The following IMMP2L variants were observed in gnomAD, a reference collection of about 807,000 sequenced individuals.
IMMP2L encodes mitochondrial inner membrane protease subunit 2.
Under a neutral mutation model 19.3 loss-of-function variants are expected in IMMP2L, and 18 were observed. The observed-to-expected ratio is 0.93, with a 90% CI of 0.64 to 1.38. The LOEUF is 1.38. IMMP2L is among the 40% of genes most tolerant of loss of function. The pLI, the probability that IMMP2L is intolerant of heterozygous loss-of-function variation, is 0.00. For missense variants in IMMP2L, 233 were observed against 218.2 expected (o/e 1.07, Z -0.43); for synonymous variants, 76 against 73.0 (o/e 1.04, Z -0.21).
chr7:111,001,949 A>C (rs550787787), intron 3 of IMMP2L, among the ~76,000 whole-genome samples: 156 of 152,292 alleles, frequency 1.0e-3, no homozygotes, highest in Non-Finnish European at 1.5e-3. Flanking sequence ...AAATTCCTCC[A>C]ACATGCAAAT....
chr7:111,061,343 G>A (rs1489711465), intron 3 of IMMP2L, among the ~76,000 whole-genome samples: 1 of 152,178 alleles, frequency 6.6e-6, no homozygotes, highest in Non-Finnish European at 1.5e-5. Flanking sequence ...ACCACAGAGG[G>A]CCTTGACTGA....
intron 3 of IMMP2L, among the ~76,000 whole-genome samples, chr7:111,137,196 A>G (rs1802431608): frequency 6.6e-6 from 1 of 152,168 alleles, no homozygotes. Context: ...CCTCCACCTC[A>G]GCTATTTGAT....
chr7:111,062,981 C>G (rs1794159333), intron 3 of IMMP2L, among the ~76,000 whole-genome samples: 2 of 152,202 alleles, frequency 1.3e-5, no homozygotes, highest in South Asian at 4.1e-4. Flanking sequence ...TTCTGGAGGT[C>G]TGGGGGACAG....
At chr7:111,530,410 T>C (rs924172795) in intron 1 of IMMP2L, among the ~76,000 whole-genome samples, 3 of 152,200 alleles carry the variant, frequency 2.0e-5, no homozygotes, top group African/African-American at 7.2e-5. Context: ...TTCTAGGTGA[T>C]AAGACACCTA....
At chr7:110,717,463 T>TCAAAA (rs562273148) in intron 5 of IMMP2L, among the ~76,000 whole-genome samples, 3,067 of 152,206 alleles carry the variant, frequency 0.02, 42 homozygotes, top group African/African-American at 0.023. Context: ...AGACTACGTC[T>TCAAAA]CAAAACAAAA....
At chr7:111,302,645 C>CCT (rs1822395101) in intron 3 of IMMP2L, among the ~76,000 whole-genome samples, 3 of 151,986 alleles carry the variant, frequency 2.0e-5, no homozygotes, top group Admixed American at 2.0e-4. Context: ...TACACATCTA[C>CCT]TAAAAGAGCA....
At chr7:111,093,556 C>A (rs921442020) in intron 3 of IMMP2L, among the ~76,000 whole-genome samples, 8 of 152,086 alleles carry the variant, frequency 5.3e-5, no homozygotes, top group African/African-American at 1.9e-4. Context: ...AAATCTAACC[C>A]GCCTTATTTT....
Position 110,728,640 on chromosome 7 carries a change from A to T in IMMP2L, c.409-64919T>A, listed in dbSNP as rs957709564. On this transcript the variant is annotated intron_variant, in intron 5 of 5. Coordinates refer to ENST00000405709, the MANE Select transcript of IMMP2L (RefSeq NM_032549.4). The surrounding 1 kb of genome is among the most constrained non-coding windows in gnomAD (Gnocchi z 4.6). ...CTCCTAACTACTTTCAAACCAACAA[A>T]CCCAAATATTGCCACTGATCCCCCT... Among the ~76,000 whole-genome samples the T allele has an allele frequency of 6.6e-6, 1 of 152,120 alleles. No homozygotes were observed. The highest frequency in any genetic ancestry group is 2.4e-5 in the African/African-American group (1 of 41,426).
At chr7:110,738,035 T>G (rs945486023) in intron 5 of IMMP2L, among the ~76,000 whole-genome samples, 1 of 152,180 alleles carries the variant, frequency 6.6e-6, no homozygotes, top group Admixed American at 6.5e-5. Context: ...TGAAGCACCC[T>G]GTGGGACAAA....
intron 3 of IMMP2L, among the ~76,000 whole-genome samples, chr7:111,069,350 G>C (rs778539180): frequency 1.3e-5 from 2 of 152,056 alleles, no homozygotes; most frequent in Non-Finnish European, 2.9e-5. Flanking sequence ...GCTGCCCTTT[G>C]AACTCAAACA....
intron 4 of IMMP2L, among the ~76,000 whole-genome samples, chr7:110,922,287 T>C (rs1198254795): frequency 1.3e-5 from 2 of 152,306 alleles, no homozygotes; most frequent in Middle Eastern, 3.4e-3. Flanking sequence ...CAGGCTTAAG[T>C]GCAATTCTAC....
In IMMP2L at chr7:111,295,514, A is replaced by G. The variant is rs372218589; in HGVS notation, c.239+191724T>C. Among the ~76,000 whole-genome samples the G allele has an allele frequency of 6.8e-4, 104 of 152,052 alleles. 3 individuals are homozygous for G. In the South Asian group the frequency reaches 0.019, roughly 28 times the overall value. On this transcript the variant is annotated intron_variant, in intron 3 of 5. Coordinates refer to ENST00000405709, the MANE Select transcript of IMMP2L (RefSeq NM_032549.4). ...GATTAGAATAAGTAAAATGGAAAAGAGTCACAAGACTGTCACAGAGAAGCA... is the reference window on the plus strand; with the variant it reads ...GATTAGAATAAGTAAAATGGAAAAGGGTCACAAGACTGTCACAGAGAAGCA...
intron 2 of IMMP2L, among the ~76,000 whole-genome samples, chr7:111,519,742 T>G (rs1333281858): frequency 1.3e-5 from 2 of 152,090 alleles, no homozygotes; most frequent in African/African-American, 2.4e-5. Context: ...ATATGAAGAT[T>G]GGGATATTAT....
chr7:110,809,439 T>G (rs1562989698), intron 5 of IMMP2L, among the ~76,000 whole-genome samples: 1 of 151,926 alleles, frequency 6.6e-6, no homozygotes, highest in Non-Finnish European at 1.5e-5. Context: ...TGAAAAAGAT[T>G]ATGACTAGTA....
chr7:110,964,298 AATG>A (rs1383143259), intron 3 of IMMP2L, among the ~76,000 whole-genome samples: 1 of 152,078 alleles, frequency 6.6e-6, no homozygotes, highest in Non-Finnish European at 1.5e-5. Flanking sequence ...ATTTCTTTAA[AATG>A]ATAACATACT....
intron 3 of IMMP2L, among the ~76,000 whole-genome samples, chr7:111,126,962 A>G (rs2129591770): frequency 6.6e-6 from 1 of 152,330 alleles, no homozygotes; most frequent in Admixed American, 6.5e-5. Flanking sequence ...TGTTAATATT[A>G]GACATTTATT....
chr7:110,785,510 C>G (rs35403926), intron 5 of IMMP2L, among the ~76,000 whole-genome samples: 50,307 of 151,434 alleles, frequency 0.33, 10,213 homozygotes, highest in East Asian at 0.69. Flanking sequence ...TCCTAAGGCA[C>G]TGGACTTCCC....
At chr7:111,373,749 A>G (rs893427997) in intron 3 of IMMP2L, among the ~76,000 whole-genome samples, 1 of 152,012 alleles carries the variant, frequency 6.6e-6, no homozygotes, top group African/African-American at 2.4e-5. Flanking sequence ...CATATTTTAT[A>G]CCAAATTTAT....
Position 111,548,640 on chromosome 7 carries a change from T to C in IMMP2L, c.-3+13211A>G, listed in dbSNP as rs145977292. On this transcript the variant is annotated intron_variant, in intron 1 of 5. Transcript: ENST00000405709. ...AACCATTCTCAAACTCAGAAGTGTA[T>C]AGTTTTTTTTATAATTTTAATTCAT... Among the ~76,000 whole-genome samples, 410 of 152,226 alleles carry C rather than the reference T, an allele frequency of 2.7e-3. 6 individuals are homozygous for C. The highest frequency in any genetic ancestry group is 9.3e-3 in the African/African-American group (387 of 41,542).
Sources: allele counts gnomAD v4.1 joint callset (sites outside exome capture counted in the v4.1 genomes callset), GRCh38; gene constraint gnomAD v4.1.1; non-coding constraint Gnocchi (gnomAD v3.1); transcripts MANE v1.5; gene names NCBI Gene and HGNC (gene_info 2026-07-23, HGNC 2026-07-21).